Variants in PTBP2 observed in about 807,000 individuals in gnomAD.
The protein encoded by PTBP2 is polypyrimidine tract-binding protein 2.
A neutral mutation model predicts 61.4 loss-of-function variants in PTBP2; 13 were observed. The ratio of observed to expected loss-of-function variants is 0.21; its 90% CI spans 0.14 to 0.34. PTBP2 has a LOEUF of 0.34. Ranked by LOEUF, PTBP2 falls within the 10% of genes least tolerant of loss-of-function variation. PTBP2 has a pLI of 1.00. For synonymous variants in PTBP2, 215 were observed against 218.5 expected (o/e 0.98, Z 0.14); for missense variants, 405 against 642.6 (o/e 0.63, Z 4.00).
At chr1:96,794,651 G>A (rs1281691430) in intron 8 of PTBP2, among the ~76,000 whole-genome samples, 1 of 151,996 alleles carries the variant, frequency 6.6e-6, no homozygotes, top group African/African-American at 2.4e-5. Flanking sequence ...AGAGTAACAG[G>A]GTTTCTGTTC....
intron 3 of PTBP2, among the ~76,000 whole-genome samples, chr1:96,762,970 C>A (rs1472146904): frequency 6.6e-6 from 1 of 150,840 alleles, no homozygotes; most frequent in Non-Finnish European, 1.5e-5. Context: ...CTCCCCACAT[C>A]TCAGACGATG....
downstream of PTBP2, chr1:96,815,883 A>G (rs763676248): frequency 2.6e-5 from 4 of 152,204 alleles, no homozygotes; most frequent in Admixed American, 6.5e-5. Flanking sequence ...CCAGCATCAG[A>G]TAAGTCTAAA....
Position 96,795,027 on chromosome 1 carries a change from T to C in PTBP2, c.904+9773T>C, listed in dbSNP as rs1660231799. On this transcript the variant is annotated intron_variant, in intron 8 of 13. Coordinates refer to ENST00000674951, the MANE Select transcript of PTBP2 (RefSeq NM_021190.4). ...ACTGGAAGATGAGCATCAGAGTGTC[T>C]GCGACCATTTGATGATATTATGTAC... 2.0e-5 allele frequency among the ~76,000 whole-genome samples: 3 copies of C among 152,226 alleles called. No individual in the cohort carries two copies. In the South Asian group the frequency reaches 6.2e-4, roughly 31 times the overall value.
At chr1:96,760,953 A>G (rs181735788) in intron 3 of PTBP2, among the ~76,000 whole-genome samples, 1 of 152,230 alleles carries the variant, frequency 6.6e-6, no homozygotes, top group African/African-American at 2.4e-5. Flanking sequence ...ATAGTATATT[A>G]CTACTTACTA....
chr1:96,801,976 C>T (rs1477469715), intron 8 of PTBP2, among the ~76,000 whole-genome samples: 1 of 151,764 alleles, frequency 6.6e-6, no homozygotes. Context: ...CTTTGGGAGG[C>T]CGAGACGGGT....
At chr1:96,732,240 A>G (rs558760198) in intron 2 of PTBP2, among the ~76,000 whole-genome samples, 4 of 152,314 alleles carry the variant, frequency 2.6e-5, no homozygotes, top group African/African-American at 9.6e-5. Context: ...TTTTGGTAAT[A>G]GTTGTGTGTA....
chr1:96,794,605 A>C (rs965003511), intron 8 of PTBP2, among the ~76,000 whole-genome samples: 1 of 152,192 alleles, frequency 6.6e-6, no homozygotes, highest in African/African-American at 2.4e-5. Context: ...TTCAGCAGTC[A>C]TTTTAACACT....
chr1:96,768,488 A>G (rs1490800208), intron 3 of PTBP2, among the ~76,000 whole-genome samples: 1 of 151,996 alleles, frequency 6.6e-6, no homozygotes, highest in Non-Finnish European at 1.5e-5. Flanking sequence ...ATACATGTAT[A>G]TTTCTGAATG....
intron 5 of PTBP2, among the ~76,000 whole-genome samples, chr1:96,774,586 TCA>T (rs947934258): frequency 3.9e-5 from 6 of 152,218 alleles, no homozygotes; most frequent in Non-Finnish European, 8.8e-5. Flanking sequence ...TCCTATTAGT[TCA>T]CACTTTTTAA....
At chr1:96,755,955 A>G (rs1655107974) in intron 3 of PTBP2, among the ~76,000 whole-genome samples, 1 of 152,154 alleles carries the variant, frequency 6.6e-6, no homozygotes, top group Non-Finnish European at 1.5e-5. Flanking sequence ...TTATAATTTA[A>G]ATACATATAC....
chr1:96,793,761 C>CT (rs1461857610), intron 8 of PTBP2, among the ~76,000 whole-genome samples: 4 of 152,096 alleles, frequency 2.6e-5, no homozygotes, highest in African/African-American at 4.8e-5. Flanking sequence ...TTATTCAACT[C>CT]TTAATTCCAT....
At chr1:96,729,839 C>T (rs1254348132) in intron 2 of PTBP2, among the ~76,000 whole-genome samples, 2 of 151,132 alleles carry the variant, frequency 1.3e-5, no homozygotes, top group African/African-American at 2.4e-5. Context: ...CGGGTTCACG[C>T]GGTTCTCCTG....
intron 2 of PTBP2, among the ~76,000 whole-genome samples, chr1:96,726,088 A>C (rs1650442605): frequency 2.2e-5 from 2 of 88,962 alleles, no homozygotes; most frequent in Admixed American, 2.8e-4. Context: ...AAAAAAAAAA[A>C]AAAAAAAAAA....
At chr1:96,746,913 C>CCCTT (rs1214485803) in intron 2 of PTBP2, among the ~76,000 whole-genome samples, 2,207 of 29,110 alleles carry the variant, frequency 0.076, 146 homozygotes, top group Middle Eastern at 0.17. Context: ...CTCCCTCCCT[C>CCCTT]CCTTCCTTCC....
At chr1:96,803,482 A>C (rs975339793) in intron 8 of PTBP2, among the ~76,000 whole-genome samples, 1 of 152,150 alleles carries the variant, frequency 6.6e-6, no homozygotes, top group Non-Finnish European at 1.5e-5. Context: ...CATCAAGAGC[A>C]AGAGTATTAA....
At chr1:96,734,493 C>T (rs554813227) in intron 2 of PTBP2, among the ~76,000 whole-genome samples, 3 of 150,754 alleles carry the variant, frequency 2.0e-5, no homozygotes, top group East Asian at 1.9e-4. Context: ...GAAGGAGTCA[C>T]GATAAAATAA....
chr1:96,761,133 T>A (rs1445602123), intron 3 of PTBP2, among the ~76,000 whole-genome samples: 1 of 152,200 alleles, frequency 6.6e-6, no homozygotes, highest in African/African-American at 2.4e-5. Context: ...TGTTGGAGAT[T>A]AACAGAAAGG....
At chr1:96,756,051 T>G (rs567099010) in intron 3 of PTBP2, among the ~76,000 whole-genome samples, 1 of 152,340 alleles carries the variant, frequency 6.6e-6, no homozygotes, top group South Asian at 2.1e-4. Flanking sequence ...CACTTACTGC[T>G]CAGTGGAATG....
In PTBP2 at chr1:96,821,277, T is replaced by C. The variant is rs377029437; in HGVS notation, c.*7872T>C. ...TCTTTGTTCTTTTCTCTCTACACCA[T>C]TGTGAATAACACAGTGTATATATGA... is the stretch of plus-strand genomic sequence containing the variant. On this transcript the variant is annotated 3_prime_UTR_variant, in exon 14 of 14. Coordinates refer to the PTBP2 transcript ENST00000609116. The C allele has an allele frequency of 6.6e-5, 10 of 152,320 alleles. No homozygotes were observed. In the South Asian group the frequency reaches 2.1e-3, roughly 32 times the overall value. The allele number at this position is 152,320 out of a possible 1,614,324, so 9.4% of individuals were successfully genotyped here. A position where few individuals can be genotyped will look rare whatever the true frequency, so the allele number is the denominator to read the frequency against.
Sources: gnomAD v4.1 joint callset for allele counts (sites outside exome capture counted in the v4.1 genomes callset) on GRCh38, gnomAD v4.1.1 for gene constraint, MANE v1.5 for transcripts, NCBI Gene and HGNC (gene_info 2026-07-23, HGNC 2026-07-21) for gene names.